Variants in CTTNBP2 observed in about 807,000 individuals in gnomAD.
The protein encoded by CTTNBP2 is cortactin binding protein 2, also known as cortactin-binding protein 2.
In CTTNBP2, 108 loss-of-function variants were observed where a neutral mutation model predicts 156.9. That is an observed-to-expected ratio of 0.69 (90% CI 0.59 to 0.81). The LOEUF is 0.81. Ranked by LOEUF, CTTNBP2 falls within the 30% of genes least tolerant of loss-of-function variation. The pLI, the probability that CTTNBP2 is intolerant of heterozygous loss-of-function variation, is 0.00. For missense variants in CTTNBP2, 1,924 were observed against 2,035.4 expected (o/e 0.95, Z 1.05); for synonymous variants, 767 against 751.8 (o/e 1.02, Z -0.33).
At chr7:117,864,085 A>C (rs1351056794) in intron 1 of CTTNBP2, among the ~76,000 whole-genome samples, 1 of 152,184 alleles carries the variant, frequency 6.6e-6, no homozygotes, top group Non-Finnish European at 1.5e-5. Context: ...CAAGATCCTG[A>C]TTCATATTAG....
intron 2 of CTTNBP2, among the ~76,000 whole-genome samples, chr7:117,821,555 C>T (rs1584490477): frequency 6.7e-6 from 1 of 148,712 alleles, no homozygotes; most frequent in Admixed American, 6.7e-5. Flanking sequence ...TGGTATATTG[C>T]TTGAAATTCA....
intron 10 of CTTNBP2, among the ~76,000 whole-genome samples, chr7:117,759,128 A>T (rs1797052527): frequency 6.6e-6 from 1 of 151,724 alleles, no homozygotes; most frequent in Admixed American, 6.6e-5. Context: ...TTTTTTTTTT[A>T]AAGAGATGGG....
chr7:117,750,201 G>A (rs998198572), intron 12 of CTTNBP2, among the ~76,000 whole-genome samples: 2 of 152,124 alleles, frequency 1.3e-5, no homozygotes, highest in Non-Finnish European at 2.9e-5. Flanking sequence ...TGGCCATCCT[G>A]TCAAACTGCC....
rs1251143907 is a variant in CTTNBP2 at position 117,711,619 on chromosome 7, C to T, written c.4910G>A (p.Arg1637Lys). The T allele has an allele frequency of 6.2e-7, 1 of 1,613,884 alleles. No homozygotes were observed. ...TGAGTTGTTGTTGATTTCTATTTGCCTTGTATTACTGCTGCTGCTGCTTCT... is the reference window on the plus strand; with the variant it reads ...TGAGTTGTTGTTGATTTCTATTTGCTTTGTATTACTGCTGCTGCTGCTTCT... ...TKRSSSSSNTRQIEINNNSKE... is the reference protein window; with the variant it reads ...TKRSSSSSNTKQIEINNNSKE... Residue 1637 changes from arginine (R) to lysine (K), a missense_variant, in exon 23 of 23, where the codon AGG becomes AAG. Arg to Lys is a conservative substitution (Grantham distance 26). Transcript: ENST00000160373.
chr7:117,811,140 G>T lies in CTTNBP2; in HGVS notation c.190-151C>A, dbSNP rs562946824. On this transcript the variant is annotated intron_variant, in intron 2 of 22. Transcript: ENST00000160373. The stretch of plus-strand genomic sequence containing the variant: ...TGTCAGTGGTGAGTGAGAGGCAAAT[G>T]TGACCCCCAGTCTCCACTAGCCTGG... 1.8e-4 allele frequency: 112 copies of T among 628,702 alleles called. No individual in the cohort carries two copies. In the South Asian group the frequency reaches 2.1e-3, roughly 12 times the overall value. 38.9% of individuals were successfully genotyped at this position (628,702 alleles called of 1,614,324 possible).
At chr7:117,773,703 ACACACC>A (rs1286818029) in intron 8 of CTTNBP2, among the ~76,000 whole-genome samples, 29 of 118,132 alleles carry the variant, frequency 2.5e-4, no homozygotes, top group South Asian at 2.2e-3. Context: ...ACACACACAC[ACACACC>A]CCAAAAAACA....
chr7:117,719,532 G>T lies in CTTNBP2; in HGVS notation c.4616C>A (p.Ser1539Tyr), dbSNP rs770393389. 2 of 1,613,900 alleles carry T rather than the reference G, an allele frequency of 1.2e-6. No homozygotes were observed. The highest frequency in any genetic ancestry group is 1.7e-6 in the Non-Finnish European group (2 of 1,179,888). ...DLVKELQSMC[S>Y]SKSESDISKI... ...GCTGATATCAGACTCAGACTTGCTG[G>T]AGCACATGCTCTGAAGTTCCTTGAC... Residue 1539 changes from serine to tyrosine, a missense_variant, in exon 21 of 23, where the codon TCC (serine) becomes TAC (tyrosine). Ser to Tyr is a moderately radical substitution (Grantham distance 144, BLOSUM62 -2). Coordinates refer to ENST00000160373, the MANE Select transcript of CTTNBP2 (RefSeq NM_033427.3).
At position 117,784,377 on chromosome 7, in the gene CTTNBP2, G is replaced by C; in HGVS notation, c.2146C>G (p.Gln716Glu). The change falls in exon 5 of 23, where the codon CAA becomes GAA. Residue 716 changes from glutamine to glutamate, a missense_variant. Transcript: ENST00000160373. ...PLAGRPTLLQQAAAQGNVTLL... is the reference protein window; with the variant it reads ...PLAGRPTLLQEAAAQGNVTLL... ...GTGACATTTCCCTGGGCAGCAGCTT[G>C]CTGAAGAAGGGTGGGCCTGCCAGCC... 6.2e-7 allele frequency: 1 copy of C among 1,613,758 alleles called. No individual in the cohort carries two copies. The highest frequency in any genetic ancestry group is 8.5e-7 in the Non-Finnish European group (1 of 1,179,916).
At chr7:117,842,357 C>T (rs565207544) in intron 2 of CTTNBP2, among the ~76,000 whole-genome samples, 246 of 152,200 alleles carry the variant, frequency 1.6e-3, no homozygotes, top group Non-Finnish European at 3.0e-3. Context: ...CCTGCCACCA[C>T]ATCTGGCTAA....
Position 117,817,361 on chromosome 7 carries a change from A to ATAAATAAATAT in CTTNBP2, c.190-6373_190-6372insATATTTATTTA, listed in dbSNP as rs1298639361. ...AAAAAAAAAAAAAAAAAAAAAAAAA[A>ATAAATAAATAT]ATATATATATATATATATATATATA... On this transcript the variant is annotated intron_variant, in intron 2 of 22. Transcript: ENST00000160373. 1.9e-4 allele frequency among the ~76,000 whole-genome samples: 10 copies of ATAAATAAATAT among 53,312 alleles called. 1 individual carries two copies. Among genetic ancestry groups the ATAAATAAATAT allele is most frequent in the Admixed American group, 5.4e-4 (2 of 3,714 alleles). The allele number at this position is 53,312 out of a possible 152,430, so 35.0% of individuals were successfully genotyped here.
chr7:117,722,085 C>T (rs1238043027), intron 19 of CTTNBP2, among the ~76,000 whole-genome samples: 1 of 152,312 alleles, frequency 6.6e-6, no homozygotes, highest in Non-Finnish European at 1.5e-5. Flanking sequence ...AAAGCACTGA[C>T]TAGTGGCTTC....
At chr7:117,737,839 A>G (rs1390860735) in intron 14 of CTTNBP2, among the ~76,000 whole-genome samples, 2 of 152,152 alleles carry the variant, frequency 1.3e-5, no homozygotes, top group Non-Finnish European at 2.9e-5. Context: ...CACCCTCCCA[A>G]AGTGCTGGGA....
intron 16 of CTTNBP2, among the ~76,000 whole-genome samples, chr7:117,734,607 G>T (rs183500428): frequency 1.1e-3 from 171 of 152,320 alleles, no homozygotes; most frequent in Non-Finnish European, 2.6e-4. Flanking sequence ...CTCCAAGAAA[G>T]ATGTAAGTTT....
rs147224257 is a variant in CTTNBP2, at chr7:117,784,436, G to T, written c.2087C>A (p.Thr696Asn). The T allele has an allele frequency of 5.8e-4, 920 of 1,596,338 alleles. No homozygotes were observed. The highest frequency in any genetic ancestry group is 7.5e-4 in the Non-Finnish European group (876 of 1,174,238). The change falls in exon 5 of 23, where the codon ACC (threonine) becomes AAC (asparagine). Residue 696 changes from threonine (T) to asparagine (N), a missense_variant. Physicochemically the swap from Thr to Asn is moderately conservative, Grantham distance 65. Transcript: ENST00000160373. ...VTASGWSPSL[T>N]PLLMSGGPAP... ...AGGACCACCACTCATTAGCAAAGGG[G>T]TTAGGGAGGGTGACCAGCCTGTAGG... is the stretch of plus-strand genomic sequence containing the variant.
chr7:117,760,533 G>A lies in CTTNBP2; in HGVS notation c.3074C>T (p.Ser1025Phe), dbSNP rs971651941. ...TTCCAGACTCCACCATCCATCAGAA[G>A]AGATTGCCTGGAAATGATTTGTCAG... is the stretch of plus-strand genomic sequence containing the variant. ...QALTNHFQAISSDGWWSLEDV... is the reference protein window; with the variant it reads ...QALTNHFQAIFSDGWWSLEDV... Residue 1025 changes from serine to phenylalanine, a missense_variant, in exon 10 of 23, where the codon TCT becomes TTT. Transcript: ENST00000160373. 6.2e-7 allele frequency: 1 copy of A among 1,614,018 alleles called. No homozygotes were observed. Among genetic ancestry groups the A allele is most frequent in the Non-Finnish European group, 8.5e-7 (1 of 1,179,996 alleles).
At chr7:117,767,023 G>T in intron 9 of CTTNBP2, 36 bp downstream of exon 9, 2 of 1,145,200 alleles carry the variant, frequency 1.7e-6, no homozygotes, top group East Asian at 2.3e-5. Flanking sequence ...AGCAGCATAG[G>T]GGAAAGATAA....
chr7:117,734,465 A>G (rs1401942823), intron 16 of CTTNBP2, among the ~76,000 whole-genome samples: 2 of 152,206 alleles, frequency 1.3e-5, no homozygotes, highest in Admixed American at 6.5e-5. Flanking sequence ...AAAGTCACTA[A>G]AAGTTATTAT....
intron 22 of CTTNBP2, among the ~76,000 whole-genome samples, chr7:117,716,251 G>A (rs1226333889): frequency 1.4e-5 from 2 of 146,430 alleles, no homozygotes; most frequent in South Asian, 2.2e-4. Flanking sequence ...TTTGTGGACA[G>A]TACCTTATTG....
Position 117,768,581 on chromosome 7 carries a change from A to AAAAAAG in CTTNBP2, c.2779-1406_2779-1405insCTTTTT, listed in dbSNP as rs1554419704. Among the ~76,000 whole-genome samples, 183 of 99,110 alleles carry AAAAAAG rather than the reference A, an allele frequency of 1.8e-3. 4 individuals are homozygous for AAAAAAG. The highest frequency in any genetic ancestry group is 8.1e-3 in the African/African-American group (170 of 21,034). 65.0% of individuals were successfully genotyped at this position (99,110 alleles called of 152,430 possible). ...ACTCTGTCTCAAAAAAAAAAAAAAA[A>AAAAAAG]AAAGAAAGAAAGAAAGAAAGAAATA... On this transcript the variant is annotated intron_variant, in intron 8 of 22. Transcript: ENST00000160373.
Sources: gnomAD v4.1 joint callset for allele counts (sites outside exome capture counted in the v4.1 genomes callset) on GRCh38, gnomAD v4.1.1 for gene constraint, MANE v1.5 for transcripts, NCBI Gene and HGNC (gene_info 2026-07-23, HGNC 2026-07-21) for gene names.